RAB25: variants seen among roughly 807,000 people sequenced by gnomAD.
RAB25 encodes ras-related protein Rab-25.
RAB25 carries 23 observed loss-of-function variants against 25.2 expected under a neutral mutation model. The ratio of observed to expected loss-of-function variants is 0.91; its 90% CI spans 0.66 to 1.29. RAB25 has a LOEUF of 1.29. Among genes scored for constraint, RAB25 ranks in the 50% most tolerant of loss-of-function variants. The probability of loss-of-function intolerance (pLI) is 0.00; values close to 1 mark genes in which losing one functional copy is unlikely to be tolerated. For synonymous variants in RAB25, 102 were observed against 111.5 expected, an observed-to-expected ratio of 0.91 and a Z score of 0.54; for missense variants, 244 against 277.3, an observed-to-expected ratio of 0.88 and a Z score of 0.85.
chr1:156,070,267 G>T lies in RAB25; in HGVS notation c.622G>T (p.Ala208Ser). The change falls in exon 5 of 5, where the codon GCC (alanine) becomes TCC (serine). Residue 208 changes from alanine (A) to serine (S), a missense_variant. Coordinates refer to ENST00000361084, the MANE Select transcript of RAB25 (RefSeq NM_020387.4). ...GQEPGPGEKRACCISL is the reference protein window; with the variant it reads ...GQEPGPGEKRSCCISL ...GGAGCCTGGCCCTGGGGAGAAGAGG[G>T]CCTGTTGCATCAGCCTCTGACCTTG... is the stretch of plus-strand genomic sequence containing the variant. 1 of 1,613,944 alleles carries T rather than the reference G, an allele frequency of 6.2e-7. No homozygotes were observed. The highest frequency in any genetic ancestry group is 8.5e-7 in the Non-Finnish European group (1 of 1,179,922).
intron 1 of RAB25, among the ~76,000 whole-genome samples, chr1:156,065,065 A>T (rs753221960): frequency 2.2e-4 from 34 of 152,088 alleles, no homozygotes; most frequent in Non-Finnish European, 4.1e-4. Context: ...CCTCAGGTGG[A>T]TCCTTGTCTC....
At chr1:156,067,719 T>C (rs970533155) in intron 2 of RAB25, among the ~76,000 whole-genome samples, 2 of 152,128 alleles carry the variant, frequency 1.3e-5, no homozygotes, top group African/African-American at 2.4e-5. Context: ...AGGAAGCCAA[T>C]AGAGATTTTA....
intron 3 of RAB25, 105 bp from the exon 4 acceptor site, chr1:156,069,566 A>G (rs985465939): frequency 9.0e-6 from 8 of 887,114 alleles, no homozygotes; most frequent in South Asian, 1.5e-5. Flanking sequence ...GATCTGCTAC[A>G]TGCCAAGAGT....
intron 3 of RAB25, among the ~76,000 whole-genome samples, chr1:156,069,305 C>T (rs1296656903): frequency 5.3e-5 from 8 of 151,578 alleles, no homozygotes; most frequent in African/African-American, 1.9e-4. Flanking sequence ...CTCAGCCTCC[C>T]GAGTAGCTGG....
chr1:156,066,793 G>A (rs1572293428), intron 2 of RAB25, among the ~76,000 whole-genome samples: 1 of 151,480 alleles, frequency 6.6e-6, no homozygotes, highest in East Asian at 1.9e-4. Context: ...ATAAAAAATT[G>A]GCCGGGCTTG....
At chr1:156,065,615 A>G (rs979195807) in intron 1 of RAB25, among the ~76,000 whole-genome samples, 1 of 152,154 alleles carries the variant, frequency 6.6e-6, no homozygotes, top group African/African-American at 2.4e-5. Flanking sequence ...TGACACTCAT[A>G]AAGAGCCCAC....
At chr1:156,070,121 T>C in intron 4 of RAB25, 39 bp from the exon 5 acceptor site, 1 of 1,614,034 alleles carries the variant, frequency 6.2e-7, no homozygotes, top group Non-Finnish European at 8.5e-7. Flanking sequence ...GCATGGGCTC[T>C]AAATCTTCTG....
At chr1:156,066,178 A>C in intron 2 of RAB25, 72 bp downstream of exon 2, 2 of 1,059,480 alleles carry the variant, frequency 1.9e-6, no homozygotes, top group African/African-American at 2.0e-5. Flanking sequence ...CTGGAGGAGA[A>C]GTGGGGGAGG....
chr1:156,069,477 C>A (rs1295013383), intron 3 of RAB25, among the ~76,000 whole-genome samples, 194 bp from the exon 4 acceptor site: 1 of 152,200 alleles, frequency 6.6e-6, no homozygotes, highest in Non-Finnish European at 1.5e-5. Context: ...CCGCACCCAG[C>A]CCCTTATTTG....
chr1:156,070,362 T>G lies in RAB25; in HGVS notation c.*75T>G. 1 of 1,556,432 alleles carries G rather than the reference T, an allele frequency of 6.4e-7. No homozygotes were observed. Among genetic ancestry groups the G allele is most frequent in the Admixed American group, 1.9e-5 (1 of 53,530 alleles). ...CCACTTCAGCCCCAGGACCTTTCCTTGCCCTTTGGTTCCAGATATCAGACT... is the reference window on the plus strand; with the variant it reads ...CCACTTCAGCCCCAGGACCTTTCCTGGCCCTTTGGTTCCAGATATCAGACT... On this transcript the variant is annotated 3_prime_UTR_variant, in exon 5 of 5. Coordinates refer to ENST00000361084, the MANE Select transcript of RAB25 (RefSeq NM_020387.4).
In RAB25 at chr1:156,066,021, C is replaced by T. The variant is rs778412456; in HGVS notation, c.154C>T (p.Arg52Cys). Residue 52 changes from arginine to cysteine, a missense_variant, in exon 2 of 5, where the codon CGC becomes TGC. Arg to Cys is a radical substitution (Grantham distance 180). Coordinates refer to ENST00000361084, the MANE Select transcript of RAB25 (RefSeq NM_020387.4). ...RTTIGVEFSTRTVMLGTAAVK... is the reference protein window; with the variant it reads ...RTTIGVEFSTCTVMLGTAAVK... Reference sequence around the variant, plus strand: ...CACCATCGGGGTTGAGTTCTCCACCCGCACTGTGATGTTGGGCACCGCTGC... The same window carrying T: ...CACCATCGGGGTTGAGTTCTCCACCTGCACTGTGATGTTGGGCACCGCTGC... The T allele has an allele frequency of 3.5e-5, 56 of 1,614,026 alleles. 1 individual carries two copies. The Admixed American group carries it at 4.3e-4, about 12-fold the overall frequency.
At chr1:156,068,065 AC>A (rs1647794838) in intron 2 of RAB25, 1 of 484,304 alleles carries the variant, frequency 2.1e-6, no homozygotes, top group African/African-American at 1.9e-5. Flanking sequence ...GGGAGGTGAA[AC>A]TTTACAGGCT....
intron 4 of RAB25, 93 bp from the exon 5 acceptor site, chr1:156,070,067 C>T: frequency 6.3e-7 from 1 of 1,596,080 alleles, no homozygotes; most frequent in South Asian, 1.1e-5. Context: ...CCCCCATGCT[C>T]AGAAGGGGCA....
Position 156,070,491 on chromosome 1 carries a change from C to G in RAB25, c.*204C>G. 1 of 647,344 alleles carries G rather than the reference C, an allele frequency of 1.5e-6. No individual in the cohort carries two copies. Among genetic ancestry groups the G allele is most frequent in the Non-Finnish European group, 2.6e-6 (1 of 387,988 alleles). 40.1% of individuals were successfully genotyped at this position (647,344 alleles called of 1,614,324 possible). A position where few individuals can be genotyped will look rare whatever the true frequency, so the allele number is the denominator to read the frequency against. ...CACAGACTAGGACCCTCAAATAAAG[C>G]TGTTTTATATCAATGCCTGGTCATT... On this transcript the variant is annotated 3_prime_UTR_variant, in exon 5 of 5. Transcript: ENST00000361084.
chr1:156,061,679 A>G (rs1173867751), intron 1 of RAB25, among the ~76,000 whole-genome samples: 1 of 152,166 alleles, frequency 6.6e-6, no homozygotes, highest in Non-Finnish European at 1.5e-5. Flanking sequence ...CCTCCTTAAG[A>G]GTGCTGAGTT....
chr1:156,067,253 A>G (rs1300967679), intron 2 of RAB25, among the ~76,000 whole-genome samples: 1 of 151,850 alleles, frequency 6.6e-6, no homozygotes, highest in Non-Finnish European at 1.5e-5. Flanking sequence ...AAAAAGAAAA[A>G]GAAAGTGTCT....
At chr1:156,061,588 A>G in intron 1 of RAB25, 145 bp downstream of exon 1, 1 of 854,998 alleles carries the variant, frequency 1.2e-6, no homozygotes, top group Admixed American at 2.3e-5. Flanking sequence ...AGCTGCAGGG[A>G]GTGGGGGAGG....
chr1:156,064,677 A>G (rs1022704764), intron 1 of RAB25, among the ~76,000 whole-genome samples: 12 of 152,190 alleles, frequency 7.9e-5, no homozygotes, highest in African/African-American at 2.9e-4. Context: ...GGCCTCCCAA[A>G]GTTCTGGGAT....
intron 2 of RAB25, 111 bp downstream of exon 2, chr1:156,066,217 C>A: frequency 2.5e-6 from 2 of 800,834 alleles, no homozygotes; most frequent in Non-Finnish European, 1.7e-6. Flanking sequence ...GCAGTGGGCT[C>A]TGGGGGGTGG....
Sources: allele counts gnomAD v4.1 joint callset (sites outside exome capture counted in the v4.1 genomes callset), GRCh38; gene constraint gnomAD v4.1.1; transcripts MANE v1.5; gene names NCBI Gene and HGNC (gene_info 2026-07-23, HGNC 2026-07-21).